ZFAND3: variants seen among roughly 807,000 people sequenced by gnomAD.
The protein encoded by ZFAND3 is zinc finger AN1-type containing 3.
ZFAND3 carries 10 observed loss-of-function variants against 29.6 expected under a neutral mutation model. The observed-to-expected ratio is 0.34, with a 90% confidence interval of 0.21 to 0.57. The LOEUF (loss-of-function observed/expected upper bound fraction) is 0.57. Among genes scored for constraint, ZFAND3 ranks in the 20% least tolerant of loss-of-function variants. The pLI, the probability that ZFAND3 is intolerant of heterozygous loss-of-function variation, is 0.86. For missense variants in ZFAND3, 230 were observed against 304.5 expected (o/e 0.76, Z 1.82); for synonymous variants, 128 against 112.6 (o/e 1.14, Z -0.87).
At chr6:38,120,081 A>G (rs986668107) in intron 5 of ZFAND3, among the ~76,000 whole-genome samples, 41 of 152,322 alleles carry the variant, frequency 2.7e-4, no homozygotes, top group African/African-American at 8.9e-4. Flanking sequence ...AGCATCTTCA[A>G]TAGTTTAACT....
At chr6:38,096,155 T>C (rs1764974053) in intron 4 of ZFAND3, among the ~76,000 whole-genome samples, 1 of 152,138 alleles carries the variant, frequency 6.6e-6, no homozygotes, top group African/African-American at 2.4e-5. Context: ...TTAGAACTCA[T>C]TAGGGTTTTG....
intron 2 of ZFAND3, among the ~76,000 whole-genome samples, chr6:37,978,511 GTTTC>G: frequency 6.6e-6 from 1 of 152,138 alleles, no homozygotes; most frequent in South Asian, 2.1e-4. Context: ...AGTTGCTGTT[GTTTC>G]TTCTTTAAAT....
Position 38,064,910 on chromosome 6 carries a change from A to C in ZFAND3, c.295+3135A>C, listed in dbSNP as rs377480014. 4.6e-5 allele frequency among the ~76,000 whole-genome samples: 7 copies of C among 152,262 alleles called. No homozygotes were observed. The South Asian group carries it at 1.5e-3, about 32-fold the overall frequency. On this transcript the variant is annotated intron_variant, in intron 3 of 5. Transcript: ENST00000287218. ...GATGACTTAAGTTTGTATTGTGTGC[A>C]ACTGGGCAGGTTGAGTTGGAGCTCA... is the stretch of plus-strand genomic sequence containing the variant.
rs118064384 is a variant in ZFAND3, at chr6:38,120,491, A to C, written c.529+3752A>C. On this transcript the variant is annotated intron_variant, in intron 5 of 5. Transcript: ENST00000287218. ...CAGGTGCACACCTCCACGCCTGGCTAATTTTTTGTATTTTAGTACAGACAG... is the reference window on the plus strand; with the variant it reads ...CAGGTGCACACCTCCACGCCTGGCTCATTTTTTGTATTTTAGTACAGACAG... Among the ~76,000 whole-genome samples, 2,615 of 151,652 alleles carry C rather than the reference A, an allele frequency of 0.017. 250 individuals carry two copies. In the East Asian group the frequency reaches 0.28, roughly 16 times the overall value.
chr6:38,116,122 C>T (rs1311703346), intron 4 of ZFAND3, among the ~76,000 whole-genome samples: 1 of 152,190 alleles, frequency 6.6e-6, no homozygotes, highest in Non-Finnish European at 1.5e-5. Flanking sequence ...CATAGTGATA[C>T]AGAGATACAT....
chr6:38,010,977 C>G (rs1763140983), intron 2 of ZFAND3, among the ~76,000 whole-genome samples: 1 of 150,946 alleles, frequency 6.6e-6, no homozygotes, highest in African/African-American at 2.4e-5. Flanking sequence ...CTCTTGGGCC[C>G]AAGTGATCCT....
intron 2 of ZFAND3, among the ~76,000 whole-genome samples, chr6:37,957,984 C>T (rs1401979276): frequency 6.6e-6 from 1 of 151,906 alleles, no homozygotes; most frequent in Non-Finnish European, 1.5e-5. Flanking sequence ...AGGGACTGGA[C>T]CAGATCAATG....
intron 5 of ZFAND3, among the ~76,000 whole-genome samples, chr6:38,150,424 G>A (rs7747924): frequency 0.033 from 4,975 of 152,256 alleles, 223 homozygotes; most frequent in African/African-American, 0.096. Flanking sequence ...CATGTCCCTT[G>A]CACACAGCCT....
intron 1 of ZFAND3, among the ~76,000 whole-genome samples, chr6:37,873,638 C>T (rs570699791): frequency 1.3e-5 from 2 of 152,278 alleles, no homozygotes; most frequent in African/African-American, 4.8e-5. Flanking sequence ...TGAAGGTCAG[C>T]TGGAAGATGG....
chr6:38,100,652 A>G (rs1765074388), intron 4 of ZFAND3, among the ~76,000 whole-genome samples: 1 of 152,222 alleles, frequency 6.6e-6, no homozygotes, highest in South Asian at 2.1e-4. Flanking sequence ...AAGCAGTGTC[A>G]GCATTTCTGA....
chr6:37,851,485 C>G (rs541777164), intron 1 of ZFAND3, among the ~76,000 whole-genome samples: 4 of 151,488 alleles, frequency 2.6e-5, no homozygotes, highest in African/African-American at 9.7e-5. Context: ...CTTAGTCTGC[C>G]TCCAAACTAT....
At chr6:38,010,345 AT>A (rs1175759495) in intron 2 of ZFAND3, among the ~76,000 whole-genome samples, 6 of 152,176 alleles carry the variant, frequency 3.9e-5, no homozygotes, top group South Asian at 2.1e-4. Flanking sequence ...TTGGGAGTTG[AT>A]TTTTTTCCCC....
At chr6:37,896,564 T>TTCTTTCTTTCTTTCTTTCTC (rs1561925969) in intron 1 of ZFAND3, among the ~76,000 whole-genome samples, 7 of 146,416 alleles carry the variant, frequency 4.8e-5, no homozygotes, top group Non-Finnish European at 9.0e-5. Context: ...CTTTCTTTCT[T>TTCTTTCTTTCTTTCTTTCTC]TCTTTCTCTC....
intron 4 of ZFAND3, among the ~76,000 whole-genome samples, chr6:38,094,676 A>G (rs543818600): frequency 6.6e-6 from 1 of 152,206 alleles, no homozygotes. Context: ...TGATCCATCA[A>G]CTTTCAGCAT....
intron 1 of ZFAND3, among the ~76,000 whole-genome samples, chr6:37,917,692 T>C (rs753201140): frequency 4.6e-5 from 7 of 152,230 alleles, no homozygotes; most frequent in Non-Finnish European, 1.0e-4. Flanking sequence ...TTTTGAACTT[T>C]GAGCTTCACT....
intron 5 of ZFAND3, among the ~76,000 whole-genome samples, chr6:38,135,186 A>T (rs1439898120): frequency 1.3e-5 from 2 of 152,228 alleles, no homozygotes; most frequent in African/African-American, 4.8e-5. Flanking sequence ...ATAAGCGCTG[A>T]GAGGTGACAC....
chr6:38,057,627 T>C (rs1196508098), intron 2 of ZFAND3, among the ~76,000 whole-genome samples: 1 of 152,232 alleles, frequency 6.6e-6, no homozygotes, highest in Non-Finnish European at 1.5e-5. Flanking sequence ...TTTAGCTATA[T>C]GCCCAGTAAA....
chr6:38,062,764 G>C (rs1233359993), intron 3 of ZFAND3: 3 of 152,068 alleles, frequency 2.0e-5, no homozygotes, highest in Non-Finnish European at 4.4e-5. Context: ...ATCTCTTTTA[G>C]GGCACAAATA....
chr6:38,026,165 T>A (rs1468643943), intron 2 of ZFAND3, among the ~76,000 whole-genome samples: 1 of 152,204 alleles, frequency 6.6e-6, no homozygotes, highest in African/African-American at 2.4e-5. Flanking sequence ...TCTTAATGTC[T>A]CTGTCCCCTA....
Sources: gnomAD v4.1 joint callset for allele counts (sites outside exome capture counted in the v4.1 genomes callset) on GRCh38, gnomAD v4.1.1 for gene constraint, MANE v1.5 for transcripts, NCBI Gene and HGNC (gene_info 2026-07-23, HGNC 2026-07-21) for gene names.